Variants in GP6 observed in about 807,000 individuals in gnomAD.
The protein encoded by GP6 is glycoprotein VI platelet, also known as platelet glycoprotein VI.
In GP6, 45 loss-of-function variants were observed where a neutral mutation model predicts 37.3. The ratio of observed to expected loss-of-function variants is 1.21; its 90% CI spans 0.95 to 1.55. The LOEUF is 1.55. Ranked by LOEUF, GP6 falls within the 40% of genes most tolerant of loss-of-function variation. The pLI, the probability that GP6 is intolerant of heterozygous loss-of-function variation, is 0.00. For missense variants in GP6, 813 were observed against 760.2 expected (o/e 1.07, Z -0.82); for synonymous variants, 340 against 316.4 (o/e 1.07, Z -0.79).
intron 3 of GP6, among the ~76,000 whole-genome samples, chr19:55,028,206 C>T (rs564980039): frequency 3.9e-4 from 60 of 152,300 alleles, no homozygotes; most frequent in African/African-American, 1.4e-3. Flanking sequence ...GTGCCTGTTG[C>T]CTAGCAAGCG....
intron 3 of GP6, 59 bp from the exon 4 acceptor site, chr19:55,027,921 G>C: frequency 6.4e-7 from 1 of 1,557,920 alleles, no homozygotes; most frequent in Non-Finnish European, 8.9e-7. Flanking sequence ...GCTGAGACTG[G>C]GGAGGTCCCC....
intron 5 of GP6, among the ~76,000 whole-genome samples, chr19:55,020,790 CAT>C (rs766502531): frequency 6.6e-6 from 1 of 152,100 alleles, no homozygotes; most frequent in Non-Finnish European, 1.5e-5. Flanking sequence ...GTGGCTCACA[CAT>C]GTAATCCCAG....
chr19:55,024,309 TATGCAC>T (rs2074206277), intron 5 of GP6, among the ~76,000 whole-genome samples: 2 of 129,950 alleles, frequency 1.5e-5, no homozygotes, highest in African/African-American at 3.0e-5. Context: ...TGCACACACA[TATGCAC>T]GCACACACAC....
In GP6 at chr19:55,014,470, G is replaced by A. The variant is rs1446942003; in HGVS notation, c.1475C>T (p.Pro492Leu). 1.2e-6 allele frequency: 2 copies of A among 1,613,984 alleles called. No individual in the cohort carries two copies. Among genetic ancestry groups the A allele is most frequent in the Non-Finnish European group, 1.7e-6 (2 of 1,179,818 alleles). ...TAGACCGCAGTGGGAGATGGAGTGA[G>A]GGTGAGAGTTTCTGGGGAAAACCAG... Residue 492 changes from proline (P) to leucine (L), a missense_variant, in exon 8 of 8, where the codon CCT (proline) becomes CTT (leucine). Physicochemically the swap from Pro to Leu is moderately conservative, Grantham distance 98 (BLOSUM62 -3). Transcript: ENST00000310373.
intron 4 of GP6, among the ~76,000 whole-genome samples, chr19:55,025,713 A>T (rs2886415): frequency 3.3e-5 from 5 of 150,418 alleles, no homozygotes; most frequent in Non-Finnish European, 5.9e-5. Context: ...CTGAAAAAAA[A>T]AGGCTTAGCC....
Position 55,022,127 on chromosome 19 carries a change from T to C in GP6, c.664+3091A>G, listed in dbSNP as rs146547935. Among the ~76,000 whole-genome samples, 1,104 of 152,328 alleles carry C rather than the reference T, an allele frequency of 7.2e-3. 12 individuals carry two copies. The highest frequency in any genetic ancestry group is 0.026 in the African/African-American group (1,064 of 41,558). On this transcript the variant is annotated intron_variant, in intron 5 of 7. Coordinates refer to ENST00000310373, the MANE Select transcript of GP6 (RefSeq NM_001083899.2). Reference sequence around the variant, plus strand: ...TGTTCACTCTGATGATACTTTCTTTTGCTGAGCAGAAGCTCTTTAGTTTAG... The same window carrying C: ...TGTTCACTCTGATGATACTTTCTTTCGCTGAGCAGAAGCTCTTTAGTTTAG...
At chr19:55,018,503 A>G (rs1380253390) in intron 6 of GP6, 149 bp downstream of exon 6, 4 of 751,656 alleles carry the variant, frequency 5.3e-6, no homozygotes, top group Non-Finnish European at 9.8e-6. Flanking sequence ...TCCACTCTGC[A>G]CCCATGCTCT....
Position 55,018,406 on chromosome 19 carries a change from A to ATGGG in GP6, c.724+245_724+246insCCCA, listed in dbSNP as rs781782416. Among the ~76,000 whole-genome samples, 454 of 152,358 alleles carry ATGGG rather than the reference A, an allele frequency of 3.0e-3. 8 individuals carry two copies. The highest frequency in any genetic ancestry group is 0.011 in the African/African-American group (440 of 41,580). ...TTCATCCTGGGAGCAGTGCGTAGGG[A>ATGGG]TGGCGGTCGTCCCGCCACAGCCTTG... is the stretch of plus-strand genomic sequence containing the variant. On this transcript the variant is annotated intron_variant, in intron 6 of 7. Transcript: ENST00000310373.
intron 1 of GP6, among the ~76,000 whole-genome samples, chr19:55,037,087 G>A (rs1020265664): frequency 6.6e-6 from 1 of 152,170 alleles, no homozygotes; most frequent in Non-Finnish European, 1.5e-5. Flanking sequence ...TATATTCACA[G>A]TTAACCCTCT....
intron 3 of GP6, among the ~76,000 whole-genome samples, chr19:55,030,632 C>T (rs527782169): frequency 1.1e-4 from 17 of 151,422 alleles, no homozygotes; most frequent in African/African-American, 2.9e-4. Context: ...CGTGAGCCGC[C>T]GCGCCCGGCC....
chr19:55,014,703 A>G lies in GP6; in HGVS notation c.1242T>C (p.Asp414=), dbSNP rs780505285. 6.2e-7 allele frequency: 1 copy of G among 1,614,088 alleles called. No homozygotes were observed. Among genetic ancestry groups the G allele is most frequent in the African/African-American group, 1.3e-5 (1 of 75,024 alleles). ...GATGGGGTCTCCACAGATTCCTTCC[A>G]TCCCAAATGGAGGGTGCCCTCAGAC... The change falls in exon 8 of 8, where the codon GAT becomes GAC. Residue 414 remains aspartate, a synonymous_variant. Coordinates refer to ENST00000310373, the MANE Select transcript of GP6 (RefSeq NM_001083899.2).
In GP6 at chr19:55,032,644, C is replaced by A. The variant is rs2074610910; in HGVS notation, c.35-106G>T. 25 of 1,157,716 alleles carry A rather than the reference C, an allele frequency of 2.2e-5. No individual in the cohort carries two copies. The South Asian group carries it at 3.0e-4, about 14-fold the overall frequency. The allele number at this position is 1,157,716 out of a possible 1,614,324, so 71.7% of individuals were successfully genotyped here. Reference sequence around the variant, plus strand: ...TTGCATGCATATGCTTTACTCTGTCCTAATAATTTCTTCAAAAGACACACA... The same window carrying A: ...TTGCATGCATATGCTTTACTCTGTCATAATAATTTCTTCAAAAGACACACA... On this transcript the variant is annotated intron_variant, in intron 1 of 7. Coordinates refer to ENST00000310373, the MANE Select transcript of GP6 (RefSeq NM_001083899.2).
chr19:55,026,858 C>T (rs2074324133), intron 4 of GP6, among the ~76,000 whole-genome samples: 1 of 151,668 alleles, frequency 6.6e-6, no homozygotes, highest in South Asian at 2.1e-4. Context: ...TGCACTCCAG[C>T]CTGGGTGACA....
chr19:55,028,409 CTA>C (rs1382078657), intron 3 of GP6, among the ~76,000 whole-genome samples: 1 of 152,168 alleles, frequency 6.6e-6, no homozygotes, highest in Non-Finnish European at 1.5e-5. Context: ...ATAAATGAAA[CTA>C]AGGCACATGG....
At position 55,034,885 on chromosome 19, in the gene GP6, A is replaced by G. The variant is rs146817158; in HGVS notation, c.35-2347T>C. On this transcript the variant is annotated intron_variant, in intron 1 of 7. Transcript: ENST00000310373. ...TGAGCTCAGAGAGTGACAACTTGTC[A>G]CCAGCGCCCCCATAGCCACCACCCT... Among the ~76,000 whole-genome samples the G allele has an allele frequency of 6.5e-3, 988 of 152,250 alleles. 9 individuals are homozygous for G. Among genetic ancestry groups the G allele is most frequent in the African/African-American group, 0.021 (890 of 41,548 alleles).
At position 55,015,757 on chromosome 19, in the gene GP6, T is replaced by A. The variant is rs759576882; in HGVS notation, c.725-24A>T. 1.2e-5 allele frequency: 16 copies of A among 1,370,540 alleles called. No individual in the cohort carries two copies. In the Admixed American group the frequency reaches 2.5e-4, roughly 22 times the overall value. The allele number at this position is 1,370,540 out of a possible 1,614,324, so 84.9% of individuals were successfully genotyped here. A position where few individuals can be genotyped will look rare whatever the true frequency, so the allele number is the denominator to read the frequency against. On this transcript the variant is annotated intron_variant, in intron 6 of 7. Coordinates refer to ENST00000310373, the MANE Select transcript of GP6 (RefSeq NM_001083899.2). ...CTCTGGGAACCAAACAAAGGCTAAG[T>A]GTGAAATGAAACCATATTCCCGCCC...
chr19:55,014,732 G>GAGGC lies in GP6; in HGVS notation c.1209_1212dup (p.Leu405AlafsTer60), dbSNP rs750202324. 8.7e-6 allele frequency: 14 copies of GAGGC among 1,610,912 alleles called. No individual in the cohort carries two copies. In the East Asian group the frequency reaches 2.9e-4, roughly 34 times the overall value. ...CAAATGGAGGGTGCCCTCAGACAGA[G>GAGGC]AGGCAGACAGACAGACAGACACTGG... On this transcript the variant is annotated frameshift_variant, in exon 8 of 8. Transcript: ENST00000310373. LOFTEE classifies it low-confidence loss of function (END_TRUNC).
rs200634689 is a variant in GP6, at chr19:55,037,335, ATTTTT to A, written c.34+863_34+867del. 3.2e-4 allele frequency among the ~76,000 whole-genome samples: 44 copies of A among 138,280 alleles called. 1 individual carries two copies. Among genetic ancestry groups the A allele is most frequent in the East Asian group, 2.8e-3 (13 of 4,688 alleles). 90.7% of individuals were successfully genotyped at this position (138,280 alleles called of 152,430 possible). A position where few individuals can be genotyped will look rare whatever the true frequency, so the allele number is the denominator to read the frequency against. ...ACCTAGTCCAGATATCAATTCCACA[ATTTTT>A]TTTTTTTTTTTTTTGAGACGGAGTT... On this transcript the variant is annotated intron_variant, in intron 1 of 7. Transcript: ENST00000310373.
At chr19:55,018,007 A>T (rs148444706) in intron 6 of GP6, among the ~76,000 whole-genome samples, 11,356 of 152,096 alleles carry the variant, frequency 0.075, 552 homozygotes, top group Non-Finnish European at 0.11. Flanking sequence ...AGCAGAGGTT[A>T]CAGTGAGCCG....
Sources: gnomAD v4.1 joint callset for allele counts (sites outside exome capture counted in the v4.1 genomes callset) on GRCh38, gnomAD v4.1.1 for gene constraint, MANE v1.5 for transcripts, NCBI Gene and HGNC (gene_info 2026-07-23, HGNC 2026-07-21) for gene names.